Variants in PRP4K observed in about 807,000 individuals in gnomAD.
The protein encoded by PRP4K is pre-mRNA processing factor kinase PRP4K, also known as serine/threonine-protein kinase PRP4 homolog.
chr6:4,031,283 A>G, the PRP4K span, among the ~76,000 whole-genome samples: 1 of 152,176 alleles, frequency 6.6e-6, no homozygotes, highest in Non-Finnish European at 1.5e-5. Context: ...CTTTTTCTCT[A>G]ACCTGTACTT....
chr6:4,039,257 G>A, the PRP4K span, among the ~76,000 whole-genome samples: 6 of 151,982 alleles, frequency 3.9e-5, no homozygotes, highest in Admixed American at 2.6e-4. Flanking sequence ...TCAGCTAGTG[G>A]TTATCACTTC....
At chr6:4,062,937 T>G in the PRP4K span, 1 of 150,570 alleles carries the variant, frequency 6.6e-6, no homozygotes, top group Non-Finnish European at 1.5e-5. This position sits in a 1 kb window ranked among gnomAD's most constrained non-coding sequence, Gnocchi z 4.2. Flanking sequence ...AATTTGATGC[T>G]TCTGGTGATG....
the PRP4K span, chr6:4,021,389 C>A: frequency 4.5e-6 from 7 of 1,561,862 alleles, no homozygotes; most frequent in African/African-American, 8.1e-5. Context: ...CGTCCGGGAG[C>A]CGCCGCCACC....
the PRP4K span, among the ~76,000 whole-genome samples, chr6:4,051,441 C>T: frequency 6.6e-6 from 1 of 151,828 alleles, no homozygotes; most frequent in Admixed American, 6.6e-5. Context: ...CTCAGCCTCC[C>T]GAGTAGCTGG....
At chr6:4,049,170 G>A in the PRP4K span, 2 of 1,380,828 alleles carry the variant, frequency 1.4e-6, no homozygotes, top group Non-Finnish European at 2.0e-6. Flanking sequence ...CATGCTGCTT[G>A]ATGCAATCAC....
chr6:4,036,674 G>A, the PRP4K span, among the ~76,000 whole-genome samples: 1 of 152,094 alleles, frequency 6.6e-6, no homozygotes, highest in African/African-American at 2.4e-5. Flanking sequence ...ATTGTGCCTG[G>A]CCTATTATAC....
chr6:4,048,378 C>CAAAAAAA, the PRP4K span, among the ~76,000 whole-genome samples: 1 of 98,934 alleles, frequency 1.0e-5, no homozygotes, highest in African/African-American at 4.2e-5. Flanking sequence ...GACTCCGTCT[C>CAAAAAAA]AAAAAAAAAA....
At chr6:4,056,450 G>C in the PRP4K span, 1 of 1,612,552 alleles carries the variant, frequency 6.2e-7, no homozygotes, top group Non-Finnish European at 8.5e-7. Context: ...GTTTCTTAAT[G>C]TTCTTTGACC....
At chr6:4,036,237 C>T in the PRP4K span, among the ~76,000 whole-genome samples, 2 of 151,940 alleles carry the variant, frequency 1.3e-5, no homozygotes, top group Non-Finnish European at 1.5e-5. Flanking sequence ...TCTGGGGAGA[C>T]TGGAGGCAGG....
At chr6:4,022,322 AG>A in the PRP4K span, among the ~76,000 whole-genome samples, 1 of 150,188 alleles carries the variant, frequency 6.7e-6, no homozygotes, top group Non-Finnish European at 1.5e-5. Context: ...AAAAAATACG[AG>A]TGTATGCTGC....
At chr6:4,028,290 A>G in the PRP4K span, among the ~76,000 whole-genome samples, 1 of 152,134 alleles carries the variant, frequency 6.6e-6, no homozygotes, top group Non-Finnish European at 1.5e-5. Context: ...CCTGGGCTCA[A>G]GTGATCCCCT....
chr6:4,032,441 G>A, the PRP4K span: 1 of 1,614,106 alleles, frequency 6.2e-7, no homozygotes, highest in Non-Finnish European at 8.5e-7. Flanking sequence ...GAAGGTCACG[G>A]TCCAAAGAGA....
At chr6:4,058,494 TTTA>T in the PRP4K span, among the ~76,000 whole-genome samples, 267 of 152,354 alleles carry the variant, frequency 1.8e-3, no homozygotes, top group Non-Finnish European at 2.8e-3. Context: ...TTATAATTGT[TTTA>T]AGTCACTGCC....
At chr6:4,048,584 G>A in the PRP4K span, among the ~76,000 whole-genome samples, 1 of 151,788 alleles carries the variant, frequency 6.6e-6, no homozygotes, top group African/African-American at 2.4e-5. Context: ...TTTGAGATAG[G>A]GTCTCCCTCT....
At chr6:4,040,964 G>A in the PRP4K span, 1 of 1,552,172 alleles carries the variant, frequency 6.4e-7, no homozygotes, top group Non-Finnish European at 8.7e-7. Flanking sequence ...TGTTTTTCCA[G>A]TTTAGAGAAG....
At chr6:4,045,697 T>C in the PRP4K span, among the ~76,000 whole-genome samples, 3 of 152,202 alleles carry the variant, frequency 2.0e-5, no homozygotes, top group African/African-American at 7.2e-5. Flanking sequence ...ACATTAGATA[T>C]CAGTATGATT....
the PRP4K span, among the ~76,000 whole-genome samples, chr6:4,030,389 G>C: frequency 6.6e-6 from 1 of 152,070 alleles, no homozygotes. Context: ...ATAATATGAA[G>C]ACCTGACAAA....
the PRP4K span, chr6:4,060,331 G>C: frequency 6.2e-6 from 8 of 1,290,854 alleles, no homozygotes; most frequent in Non-Finnish European, 8.5e-6. This position sits in a 1 kb window ranked among gnomAD's most constrained non-coding sequence, Gnocchi z 4.7. Context: ...TAATATTTTT[G>C]ATAGACCCCA....
At chr6:4,029,278 G>A in the PRP4K span, among the ~76,000 whole-genome samples, 1 of 149,532 alleles carries the variant, frequency 6.7e-6, no homozygotes, top group African/African-American at 2.5e-5. Flanking sequence ...TTCTCTATTT[G>A]AAATGCCCCT....
Sources: gnomAD v4.1 joint callset for allele counts (sites outside exome capture counted in the v4.1 genomes callset) on GRCh38, gnomAD v4.1.1 for gene constraint, Gnocchi (gnomAD v3.1) non-coding constraint, MANE v1.5 for transcripts, NCBI Gene and HGNC (gene_info 2026-07-23, HGNC 2026-07-21) for gene names.